The following KLHL7 variants were observed in gnomAD, a reference collection of about 807,000 sequenced individuals.
KLHL7 encodes kelch like family member 7, also known as kelch-like protein 7.
Under a neutral mutation model 67.4 loss-of-function variants are expected in KLHL7, and 44 were observed. The observed-to-expected ratio is 0.65, with a 90% confidence interval of 0.51 to 0.84. The LOEUF is 0.84. Among genes scored for constraint, KLHL7 ranks in the 40% least tolerant of loss-of-function variants. The pLI, the probability that KLHL7 is intolerant of heterozygous loss-of-function variation, is 0.00. For synonymous variants in KLHL7, 252 were observed against 243.3 expected, an observed-to-expected ratio of 1.04 and a Z score of -0.33; for missense variants, 362 against 718.1, an observed-to-expected ratio of 0.50 and a Z score of 5.67.
At chr7:23,112,086 T>TTAA (rs1583634789) in intron 1 of KLHL7, among the ~76,000 whole-genome samples, 1 of 152,202 alleles carries the variant, frequency 6.6e-6, no homozygotes, top group Non-Finnish European at 1.5e-5. Context: ...GGTAACCAAA[T>TTAA]TAAGATAACT....
intron 4 of KLHL7, among the ~76,000 whole-genome samples, chr7:23,130,842 A>T (rs1441002741): frequency 6.6e-6 from 1 of 152,266 alleles, no homozygotes; most frequent in Admixed American, 6.5e-5. Flanking sequence ...TAAAGTGAAC[A>T]TACTTTGTTG....
intron 10 of KLHL7, among the ~76,000 whole-genome samples, chr7:23,173,428 C>T (rs1321577522): frequency 6.6e-6 from 1 of 152,094 alleles, no homozygotes; most frequent in Non-Finnish European, 1.5e-5. Context: ...GGTAAAGTTT[C>T]CTAAATATTT....
chr7:23,121,438 G>A (rs1348652160), intron 1 of KLHL7, among the ~76,000 whole-genome samples: 1 of 151,054 alleles, frequency 6.6e-6, no homozygotes, highest in Non-Finnish European at 1.5e-5. Flanking sequence ...TGGGACTACA[G>A]ACACACACCA....
chr7:23,117,081 C>CTTTTTTT lies in KLHL7; in HGVS notation c.121-6678_121-6672dup, dbSNP rs34692665. Among the ~76,000 whole-genome samples, 24 of 68,220 alleles carry CTTTTTTT rather than the reference C, an allele frequency of 3.5e-4. 2 individuals carry two copies. The highest frequency in any genetic ancestry group is 1.0e-3 in the African/African-American group (18 of 17,404). The allele number at this position is 68,220 out of a possible 152,430, so 44.8% of individuals were successfully genotyped here. ...TCATAAAATTTTCCTAGAGCCAGGCCTTTTTTTTTTTTTTTTTTTTTTTTG... is the reference window on the plus strand; with the variant it reads ...TCATAAAATTTTCCTAGAGCCAGGCCTTTTTTTTTTTTTTTTTTTTTTTTTTTTTTTG... On this transcript the variant is annotated intron_variant, in intron 1 of 10. Coordinates refer to ENST00000339077, the MANE Select transcript of KLHL7 (RefSeq NM_001031710.3).
chr7:23,143,776 A>G (rs922601490), intron 5 of KLHL7, 75 bp from the exon 6 acceptor site: 1 of 1,421,088 alleles, frequency 7.0e-7, no homozygotes, highest in African/African-American at 1.4e-5. Context: ...TCTCCCTTCA[A>G]TATGAGAGTA....
chr7:23,131,043 A>G lies in KLHL7; in HGVS notation c.442+5871A>G, dbSNP rs1462373821. Among the ~76,000 whole-genome samples the G allele has an allele frequency of 2.0e-5, 3 of 152,218 alleles. No homozygotes were observed. In the East Asian group the frequency reaches 5.8e-4, roughly 29 times the overall value. On this transcript the variant is annotated intron_variant, in intron 4 of 10. Coordinates refer to ENST00000339077, the MANE Select transcript of KLHL7 (RefSeq NM_001031710.3). ...ACCTGGTAGTGTTCGCTGCCAACCT[A>G]TCTTAAGGGTAAAGAATTCTGCTGG...
chr7:23,112,426 G>C (rs920413516), intron 1 of KLHL7, among the ~76,000 whole-genome samples: 12 of 152,204 alleles, frequency 7.9e-5, no homozygotes, highest in African/African-American at 2.9e-4. Flanking sequence ...TCTGCATATA[G>C]AAGATAACTT....
intron 4 of KLHL7, chr7:23,140,536 G>A (rs554414246): frequency 6.4e-5 from 32 of 503,656 alleles, no homozygotes; most frequent in South Asian, 4.5e-4. Context: ...CAGCCTGGGC[G>A]ATGGAGCGAG....
Position 23,125,322 on chromosome 7 carries a change from G to A in KLHL7, c.442+150G>A, listed in dbSNP as rs187906168. On this transcript the variant is annotated intron_variant, in intron 4 of 10. Coordinates refer to ENST00000339077, the MANE Select transcript of KLHL7 (RefSeq NM_001031710.3). ...TTTTCTAGTAATAAAATTTAAGAGG[G>A]GCTTAGAGAGATGCATATTAACCTG... is the stretch of plus-strand genomic sequence containing the variant. 4.2e-6 allele frequency: 3 copies of A among 722,320 alleles called. No individual in the cohort carries two copies. The Admixed American group carries it at 8.2e-5, about 20-fold the overall frequency. 44.7% of individuals were successfully genotyped at this position (722,320 alleles called of 1,614,324 possible).
intron 1 of KLHL7, chr7:23,106,472 T>C: frequency 9.2e-6 from 11 of 1,199,182 alleles, no homozygotes; most frequent in Non-Finnish European, 1.2e-5. Flanking sequence ...GATCCTTCCA[T>C]TGGCGAGCCG....
In KLHL7 at chr7:23,106,136, T is replaced by C. The variant is rs772318385; in HGVS notation, c.110T>C (p.Met37Thr). The C allele has an allele frequency of 1.2e-6, 2 of 1,610,502 alleles. No homozygotes were observed. The highest frequency in any genetic ancestry group is 1.7e-6 in the Non-Finnish European group (2 of 1,178,584). The change falls in exon 1 of 11, where the codon ATG becomes ACG. Residue 37 changes from methionine to threonine, a missense_variant. Transcript: ENST00000339077. ...LAGFMGVMNN[M>T]RKQKTLCDVI... Reference sequence around the variant, plus strand: ...GGTTTCATGGGCGTCATGAATAACATGCGGAAACAGGTACCGCCTCTGTGG... The same window carrying C: ...GGTTTCATGGGCGTCATGAATAACACGCGGAAACAGGTACCGCCTCTGTGG...
At chr7:23,163,214 A>C (rs1382489909) in intron 7 of KLHL7, among the ~76,000 whole-genome samples, 1 of 151,976 alleles carries the variant, frequency 6.6e-6, no homozygotes, top group African/African-American at 2.4e-5. Flanking sequence ...CTTGTTGCTC[A>C]GGCTGGAGTG....
intron 1 of KLHL7, chr7:23,106,846 G>A (rs1782663803): frequency 2.1e-6 from 2 of 975,606 alleles, no homozygotes; most frequent in Admixed American, 6.3e-5. Flanking sequence ...AAACAAAGAG[G>A]CTTTTTTTTT....
chr7:23,169,800 G>A (rs1393103013), intron 9 of KLHL7, among the ~76,000 whole-genome samples: 3 of 152,096 alleles, frequency 2.0e-5, no homozygotes, highest in Non-Finnish European at 4.4e-5. Context: ...TATATATTGA[G>A]CTTAAATTTG....
At chr7:23,165,327 A>G (rs900260572) in intron 7 of KLHL7, among the ~76,000 whole-genome samples, 5 of 152,234 alleles carry the variant, frequency 3.3e-5, no homozygotes, top group African/African-American at 1.2e-4. Flanking sequence ...GAAGGGATGG[A>G]GACCTTTACA....
intron 4 of KLHL7, chr7:23,129,392 G>A (rs548343247): frequency 2.1e-5 from 8 of 386,666 alleles, no homozygotes; most frequent in Non-Finnish European, 3.6e-5. Context: ...ATGATGTTAC[G>A]ACTCGGCTGG....
At chr7:23,162,713 T>C (rs908906458) in intron 7 of KLHL7, among the ~76,000 whole-genome samples, 8 of 152,224 alleles carry the variant, frequency 5.3e-5, no homozygotes, top group African/African-American at 1.9e-4. Flanking sequence ...CTACATAAAT[T>C]TGCTTTTCAT....
chr7:23,164,414 G>A (rs556694558), intron 7 of KLHL7, among the ~76,000 whole-genome samples: 1 of 152,276 alleles, frequency 6.6e-6, no homozygotes, highest in South Asian at 2.1e-4. Context: ...ATTGTTCCCT[G>A]TACAATATGA....
chr7:23,138,036 C>T (rs1252581725), intron 4 of KLHL7, among the ~76,000 whole-genome samples: 4 of 151,490 alleles, frequency 2.6e-5, no homozygotes, highest in Non-Finnish European at 5.9e-5. Flanking sequence ...ATTAGCCTGG[C>T]GTGCTGGTTG....
Sources: allele counts gnomAD v4.1 joint callset (sites outside exome capture counted in the v4.1 genomes callset), GRCh38; gene constraint gnomAD v4.1.1; transcripts MANE v1.5; gene names NCBI Gene and HGNC (gene_info 2026-07-23, HGNC 2026-07-21).